ZNF560: variants seen among roughly 807,000 people sequenced by gnomAD.
ZNF560 encodes the protein zinc finger protein 560.
A neutral mutation model predicts 81.8 loss-of-function variants in ZNF560; 54 were observed. That is an observed-to-expected ratio of 0.66 (90% CI 0.53 to 0.83). The LOEUF is 0.83. ZNF560 is among the 40% of genes least tolerant of loss of function. The probability of loss-of-function intolerance (pLI) is 0.00; values close to 1 mark genes in which losing one functional copy is unlikely to be tolerated. For missense variants in ZNF560, 940 were observed against 932.4 expected (o/e 1.01, Z -0.11); for synonymous variants, 321 against 317.9 (o/e 1.01, Z -0.10).
In ZNF560 at chr19:9,471,384, A is replaced by T; in HGVS notation, c.239-6T>A. On this transcript the variant is annotated splice_region_variant and splice_polypyrimidine_tract_variant and intron_variant, in intron 5 of 9. Transcript: ENST00000301480. ...TTGATGTTTTATTGCCCAGTCTGAA[A>T]CAAAAACATAAACTGAGGTTTTTTT... 6.4e-7 allele frequency: 1 copy of T among 1,557,812 alleles called. No individual in the cohort carries two copies. Among genetic ancestry groups the T allele is most frequent in the East Asian group, 2.3e-5 (1 of 43,244 alleles).
intron 9 of ZNF560, 144 bp downstream of exon 9, chr19:9,468,961 C>T (rs1048877011): frequency 1.6e-5 from 10 of 619,784 alleles, no homozygotes; most frequent in Non-Finnish European, 2.5e-5. Context: ...AACTCCTGAC[C>T]TCATGATCCG....
At position 9,467,641 on chromosome 19, in the gene ZNF560, G is replaced by T. The variant is rs376156744; in HGVS notation, c.1306C>A (p.His436Asn). The change falls in exon 10 of 10, where the codon CAC (histidine) becomes AAC (asparagine). Residue 436 changes from histidine (H) to asparagine (N), a missense_variant. Coordinates refer to ENST00000301480, the MANE Select transcript of ZNF560 (RefSeq NM_152476.3). ...TAAGAAATAAAGGCTTTCCCACAGT[G>T]GTCACATTTAAAGGTTTTCTCTCTG... The part of the protein sequence containing the change: ...HAREKTFKCD[H>N]CGKAFISYPS... 3 of 1,613,912 alleles carry T rather than the reference G, an allele frequency of 1.9e-6. No individual in the cohort carries two copies. Among genetic ancestry groups the T allele is most frequent in the South Asian group, 2.2e-5 (2 of 91,074 alleles).
At position 9,494,516 on chromosome 19, in the gene ZNF560, C is replaced by T. The variant is rs779718975; in HGVS notation, c.-57+3612G>A. On this transcript the variant is annotated intron_variant, in intron 2 of 9. Transcript: ENST00000301480. ...TTGGGAGGCCAACGTGGGTGGATCA[C>T]CTGATGTGAGGAGTTCGAGACCAGC... Among the ~76,000 whole-genome samples, 8 of 152,322 alleles carry T rather than the reference C, an allele frequency of 5.3e-5. 1 individual carries two copies. Among genetic ancestry groups the T allele is most frequent in the Non-Finnish European group, 1.2e-4 (8 of 68,028 alleles).
At chr19:9,447,133 CAAAAA>C in the ZNF560 span, among the ~76,000 whole-genome samples, 1 of 80,860 alleles carries the variant, frequency 1.2e-5, no homozygotes. Context: ...GACTCCGTCA[CAAAAA>C]AAAAAAAAAA....
At chr19:9,487,360 C>T (rs1210869209) in intron 2 of ZNF560, among the ~76,000 whole-genome samples, 1 of 152,192 alleles carries the variant, frequency 6.6e-6, no homozygotes, top group East Asian at 1.9e-4. Flanking sequence ...GGACAAAGGG[C>T]ACTTACAAGA....
At chr19:9,469,230 A>G (rs780496014) in intron 8 of ZNF560, 43 bp from the exon 9 acceptor site, 5 of 1,418,208 alleles carry the variant, frequency 3.5e-6, no homozygotes, top group Non-Finnish European at 4.8e-6. Context: ...TTACACATGA[A>G]ATGGTAGGTT....
chr19:9,466,563 A>G lies in ZNF560; in HGVS notation c.*11T>C. The G allele has an allele frequency of 6.4e-7, 1 of 1,562,818 alleles. No individual in the cohort carries two copies. On this transcript the variant is annotated 3_prime_UTR_variant, in exon 10 of 10. Transcript: ENST00000301480. ...GTTTTTCCACATTCTTCACATCCACAGGGCTTCTCTCTAGTGTGTTTTCAA... is the reference window on the plus strand; with the variant it reads ...GTTTTTCCACATTCTTCACATCCACGGGGCTTCTCTCTAGTGTGTTTTCAA...
intron 2 of ZNF560, among the ~76,000 whole-genome samples, chr19:9,484,877 C>T (rs2073361076): frequency 6.7e-6 from 1 of 148,938 alleles, no homozygotes; most frequent in Middle Eastern, 3.4e-3. Flanking sequence ...AAAAAGAACA[C>T]TCAAATAAAA....
chr19:9,471,129 G>A (rs1458053658), intron 6 of ZNF560, among the ~76,000 whole-genome samples, 167 bp downstream of exon 6: 1 of 152,124 alleles, frequency 6.6e-6, no homozygotes. Context: ...TTCACACTAA[G>A]TTTAGATCTC....
the ZNF560 span, among the ~76,000 whole-genome samples, chr19:9,459,989 GA>G: frequency 0.15 from 22,850 of 152,040 alleles, 2,575 homozygotes; most frequent in African/African-American, 0.31. Flanking sequence ...TACCGACACA[GA>G]AAGTGGAACA....
chr19:9,467,766 T>C lies in ZNF560; in HGVS notation c.1181A>G (p.His394Arg), dbSNP rs531912949. Residue 394 changes from histidine to arginine, a missense_variant, in exon 10 of 10, where the codon CAT becomes CGT. Physicochemically the swap from His to Arg is conservative, Grantham distance 29. Transcript: ENST00000301480. Reference protein sequence around the residue: ...TFTVPSGFLEHVRTHTGEKPY... With the variant: ...TFTVPSGFLERVRTHTGEKPY... The stretch of plus-strand genomic sequence containing the variant: ...CTTCTCTCCAGTGTGAGTTCGTACA[T>C]GTTCAAGAAAGCCTGACGGCACAGT... The C allele has an allele frequency of 1.9e-6, 3 of 1,614,198 alleles. No individual in the cohort carries two copies. Among genetic ancestry groups the C allele is most frequent in the Non-Finnish European group, 2.5e-6 (3 of 1,180,034 alleles).
upstream of ZNF560, among the ~76,000 whole-genome samples, chr19:9,501,180 G>C (rs888873703): frequency 9.3e-6 from 1 of 107,854 alleles, no homozygotes; most frequent in Non-Finnish European, 1.8e-5. Context: ...TTTTTTTTGA[G>C]ATGGAGTCTC....
At chr19:9,495,177 C>G (rs10423567) in intron 2 of ZNF560, among the ~76,000 whole-genome samples, 22,863 of 151,968 alleles carry the variant, frequency 0.15, 2,577 homozygotes, top group African/African-American at 0.31. Flanking sequence ...TAATAAAATT[C>G]TACTGTAGGT....
intron 2 of ZNF560, among the ~76,000 whole-genome samples, chr19:9,481,082 GAAA>G (rs60806361): frequency 1.2e-3 from 132 of 110,002 alleles, no homozygotes; most frequent in South Asian, 1.9e-3. Flanking sequence ...GAGATTATCT[GAAA>G]AAAAAAAAAA....
At chr19:9,481,850 G>A (rs1005190766) in intron 2 of ZNF560, among the ~76,000 whole-genome samples, 3 of 152,248 alleles carry the variant, frequency 2.0e-5, no homozygotes, top group African/African-American at 7.2e-5. Context: ...TTCAACCATT[G>A]TGGAAGACAG....
downstream of ZNF560, among the ~76,000 whole-genome samples, chr19:9,463,345 A>G (rs1256917892): frequency 2.6e-5 from 4 of 152,200 alleles, no homozygotes; most frequent in African/African-American, 9.7e-5. Flanking sequence ...GTGATACATC[A>G]CTATTAGTCC....
At chr19:9,472,306 T>G (rs906393147) in intron 5 of ZNF560, among the ~76,000 whole-genome samples, 1 of 152,128 alleles carries the variant, frequency 6.6e-6, no homozygotes, top group Non-Finnish European at 1.5e-5. Flanking sequence ...TCTGAATTCA[T>G]GTGAGACCTG....
At chr19:9,497,738 G>A (rs2073585524) in intron 2 of ZNF560, among the ~76,000 whole-genome samples, 1 of 152,048 alleles carries the variant, frequency 6.6e-6, no homozygotes, top group Admixed American at 6.6e-5. Context: ...AAAAAAATGC[G>A]GGAAAAATAC....
chr19:9,486,199 C>T (rs887057731), intron 2 of ZNF560, among the ~76,000 whole-genome samples: 1 of 152,180 alleles, frequency 6.6e-6, no homozygotes, highest in African/African-American at 2.4e-5. Context: ...AATTACCCCT[C>T]TTCCTGGGAT....
Sources: allele counts gnomAD v4.1 joint callset (sites outside exome capture counted in the v4.1 genomes callset), GRCh38; gene constraint gnomAD v4.1.1; transcripts MANE v1.5; gene names NCBI Gene and HGNC (gene_info 2026-07-23, HGNC 2026-07-21).